AANAT: variants seen among roughly 807,000 people sequenced by gnomAD.
AANAT encodes the protein aralkylamine N-acetyltransferase.
AANAT carries 11 observed loss-of-function variants against 15.6 expected under a neutral mutation model. The ratio of observed to expected loss-of-function variants is 0.71; its 90% CI spans 0.44 to 1.17. The LOEUF is 1.17. Among genes scored for constraint, AANAT ranks in the 50% most tolerant of loss-of-function variants. AANAT has a pLI of 0.00. For missense variants in AANAT, 286 were observed against 296.3 expected (o/e 0.97, Z 0.26); for synonymous variants, 139 against 131.5 (o/e 1.06, Z -0.39).
At chr17:76,455,905 C>T (rs535561467) in intron 1 of AANAT, among the ~76,000 whole-genome samples, 3 of 152,076 alleles carry the variant, frequency 2.0e-5, no homozygotes, top group South Asian at 2.1e-4. Context: ...CCCAGCTACT[C>T]GGGAGGCTGA....
chr17:76,468,498 A>G (rs1162439884), intron 1 of AANAT, 174 bp from the exon 2 acceptor site: 3 of 616,792 alleles, frequency 4.9e-6, no homozygotes, highest in Non-Finnish European at 5.6e-6. Flanking sequence ...GACAGTGCCA[A>G]TGTTTGCAAT....
rs924123735 is a variant in AANAT, at chr17:76,469,521, C to T, written c.319-144C>T. 10 of 1,224,486 alleles carry T rather than the reference C, an allele frequency of 8.2e-6. No homozygotes were observed. The highest frequency in any genetic ancestry group is 1.1e-5 in the Non-Finnish European group (10 of 908,922). The allele number at this position is 1,224,486 out of a possible 1,614,324, so 75.9% of individuals were successfully genotyped here. A position where few individuals can be genotyped will look rare whatever the true frequency, so the allele number is the denominator to read the frequency against. On this transcript the variant is annotated intron_variant, in intron 3 of 3. Coordinates refer to ENST00000392492, the MANE Select transcript of AANAT (RefSeq NM_001088.3). The surrounding 1 kb of genome is among the most constrained non-coding windows in gnomAD (Gnocchi z 5.2). ...TCTCCATGGGGTTGGGGGTATGGCT[C>T]CCAATTTGGGGCCCTCCTTTGCTGG...
chr17:76,466,171 C>G (rs776669923), upstream of AANAT: 27 of 1,536,686 alleles, frequency 1.8e-5, no homozygotes, highest in Non-Finnish European at 2.4e-5. Context: ...CCAGGGGGTG[C>G]CATGGAGCCA....
upstream of AANAT, chr17:76,466,241 G>A (rs1220660769): frequency 2.0e-6 from 3 of 1,531,566 alleles, no homozygotes; most frequent in East Asian, 7.3e-5. Context: ...AGGTGGGGAT[G>A]CCCAGCTGAG....
chr17:76,464,798 T>C (rs149142821), upstream of AANAT, among the ~76,000 whole-genome samples: 318 of 108,528 alleles, frequency 2.9e-3, 4 homozygotes, highest in African/African-American at 8.5e-3. Context: ...TGTATCTATA[T>C]ATTTTTTTTT....
upstream of AANAT, among the ~76,000 whole-genome samples, chr17:76,466,764 C>T (rs961202233): frequency 5.9e-5 from 9 of 152,152 alleles, no homozygotes; most frequent in East Asian, 3.8e-4. Context: ...AAAGGAGACG[C>T]GTATCCAGGG....
upstream of AANAT, among the ~76,000 whole-genome samples, chr17:76,463,974 G>C (rs991157177): frequency 5.3e-5 from 8 of 152,150 alleles, no homozygotes; most frequent in Non-Finnish European, 8.8e-5. Flanking sequence ...GGGCAGGTGG[G>C]GAGTTAGGTA....
intron 2 of AANAT, chr17:76,462,279 A>G (rs12948156): frequency 0.24 from 36,628 of 152,072 alleles, 4,459 homozygotes; most frequent in South Asian, 0.28. Flanking sequence ...TGGATAAGGA[A>G]CGTGTGTTGG....
intron 1 of AANAT, among the ~76,000 whole-genome samples, chr17:76,454,020 T>C (rs1481758504): frequency 5.3e-5 from 8 of 152,222 alleles, no homozygotes; most frequent in Non-Finnish European, 1.2e-4. Context: ...ATAGCAATAC[T>C]CATCTCATTG....
intron 1 of AANAT, among the ~76,000 whole-genome samples, chr17:76,456,883 C>G (rs1311956049): frequency 6.6e-6 from 1 of 152,114 alleles, no homozygotes; most frequent in Non-Finnish European, 1.5e-5. Flanking sequence ...AATTTGGCGC[C>G]TAAGGTAACA....
At chr17:76,456,930 G>C (rs1598635108) in intron 1 of AANAT, among the ~76,000 whole-genome samples, 1 of 152,298 alleles carries the variant, frequency 6.6e-6, no homozygotes, top group South Asian at 2.1e-4. Flanking sequence ...TCTAAGGGCA[G>C]GGGCTTTTGT....
upstream of AANAT, among the ~76,000 whole-genome samples, chr17:76,463,971 T>A (rs1249497371): frequency 6.6e-6 from 1 of 152,038 alleles, no homozygotes; most frequent in Non-Finnish European, 1.5e-5. Flanking sequence ...CCAGGGCAGG[T>A]GGGGAGTTAG....
chr17:76,468,264 GCA>G (rs1054110403), intron 1 of AANAT, among the ~76,000 whole-genome samples: 1 of 152,184 alleles, frequency 6.6e-6, no homozygotes, highest in Non-Finnish European at 1.5e-5. Context: ...CCCACCCACT[GCA>G]CAGTTGCATT....
intron 1 of AANAT, among the ~76,000 whole-genome samples, chr17:76,456,751 C>G (rs972146127): frequency 2.6e-5 from 4 of 152,184 alleles, no homozygotes; most frequent in African/African-American, 9.7e-5. Context: ...ATTTATTAAG[C>G]ACATATTATT....
rs1381675496 is a variant in AANAT at position 76,469,217 on chromosome 17, A to G, written c.208A>G (p.Ile70Val). 2.5e-6 allele frequency: 4 copies of G among 1,614,020 alleles called. No homozygotes were observed. Among genetic ancestry groups the G allele is most frequent in the South Asian group, 2.2e-5 (2 of 91,076 alleles). The change falls in exon 3 of 4, where the codon ATC becomes GTC. Residue 70 changes from isoleucine (I) to valine (V), a missense_variant. Ile to Val is a conservative substitution (Grantham distance 29). Transcript: ENST00000392492. This position sits in a 1 kb window ranked among gnomAD's most constrained non-coding sequence, Gnocchi z 5.2. ...CGTCTGCCCCCTGTACCTGGATGAG[A>G]TCCGGCACTTCCTGACCCTATGTCC... ...LGVCPLYLDE[I>V]RHFLTLCPEL... is the part of the protein sequence containing the mutation.
At chr17:76,462,978 G>A (rs553513417), upstream of AANAT, among the ~76,000 whole-genome samples, 6 of 152,316 alleles carry the variant, frequency 3.9e-5, no homozygotes, top group African/African-American at 9.6e-5. Context: ...CTTCAGTCTG[G>A]GTGTGAAACT....
upstream of AANAT, among the ~76,000 whole-genome samples, chr17:76,463,427 C>A (rs942116957): frequency 6.6e-6 from 1 of 150,964 alleles, no homozygotes; most frequent in Non-Finnish European, 1.5e-5. Context: ...CCTGCCTCAG[C>A]CTCCCGAGTA....
At chr17:76,454,991 G>A (rs939742014) in intron 1 of AANAT, among the ~76,000 whole-genome samples, 6 of 152,136 alleles carry the variant, frequency 3.9e-5, no homozygotes, top group South Asian at 2.1e-4. Context: ...GCCGGGCGCG[G>A]TGGCAGCCGC....
chr17:76,459,800 G>A (rs977852271), intron 2 of AANAT, among the ~76,000 whole-genome samples: 5 of 152,174 alleles, frequency 3.3e-5, no homozygotes, highest in African/African-American at 4.8e-5. Flanking sequence ...TGAATATAAC[G>A]TGCTTTGCCC....
Sources: allele counts gnomAD v4.1 joint callset (sites outside exome capture counted in the v4.1 genomes callset), GRCh38; gene constraint gnomAD v4.1.1; non-coding constraint Gnocchi (gnomAD v3.1); transcripts MANE v1.5; gene names NCBI Gene and HGNC (gene_info 2026-07-23, HGNC 2026-07-21).